EBF1: variants seen among roughly 807,000 people sequenced by gnomAD.
The protein encoded by EBF1 is transcription factor COE1.
In EBF1, 10 loss-of-function variants were observed where a neutral mutation model predicts 68.4. The observed-to-expected ratio is 0.15, with a 90% confidence interval of 0.09 to 0.25. The LOEUF (loss-of-function observed/expected upper bound fraction) is 0.25. Ranked by LOEUF, EBF1 falls within the 10% of genes least tolerant of loss-of-function variation. The pLI, the probability that EBF1 is intolerant of heterozygous loss-of-function variation, is 1.00. For missense variants in EBF1, 509 were observed against 794.4 expected (o/e 0.64, Z 4.32); for synonymous variants, 298 against 299.8 (o/e 0.99, Z 0.06).
intron 6 of EBF1, among the ~76,000 whole-genome samples, chr5:159,007,411 A>G (rs540304403): frequency 6.6e-6 from 1 of 152,342 alleles, no homozygotes; most frequent in East Asian, 1.9e-4. Context: ...CTTTTGGATG[A>G]CTGTTTATAT....
At chr5:159,042,655 T>C (rs529432383) in intron 6 of EBF1, among the ~76,000 whole-genome samples, 5 of 152,164 alleles carry the variant, frequency 3.3e-5, no homozygotes, top group Admixed American at 1.3e-4. Flanking sequence ...AAAAACTATA[T>C]TAAAGCTTAA....
chr5:158,923,321 CCT>C (rs1322078015), intron 6 of EBF1, among the ~76,000 whole-genome samples: 2 of 152,200 alleles, frequency 1.3e-5, no homozygotes, highest in African/African-American at 4.8e-5. Flanking sequence ...ATCATCTCCT[CCT>C]CTCTCTCCTT....
intron 6 of EBF1, among the ~76,000 whole-genome samples, chr5:159,022,404 C>G (rs1177841806): frequency 6.6e-6 from 1 of 152,188 alleles, no homozygotes; most frequent in Non-Finnish European, 1.5e-5. Context: ...AAAGTCAGGC[C>G]TCGGGGTAAA....
intron 6 of EBF1, among the ~76,000 whole-genome samples, chr5:158,969,544 A>G (rs1288174158): frequency 6.7e-6 from 1 of 149,274 alleles, no homozygotes; most frequent in Non-Finnish European, 1.5e-5. Context: ...CAGGAGGATC[A>G]CTTGAGCCCA....
intron 6 of EBF1, among the ~76,000 whole-genome samples, chr5:158,999,219 C>CA (rs761751454): frequency 6.6e-6 from 1 of 152,152 alleles, no homozygotes; most frequent in Non-Finnish European, 1.5e-5. Flanking sequence ...TATAATGCCC[C>CA]AAAAACAGAA....
At chr5:158,796,166 AACTGTTG>A (rs1399432093) in intron 9 of EBF1, among the ~76,000 whole-genome samples, 172 bp downstream of exon 9, 1 of 152,146 alleles carries the variant, frequency 6.6e-6, no homozygotes, top group East Asian at 1.9e-4. Flanking sequence ...TTCCAGTAGT[AACTGTTG>A]CCTCCTGGTA....
chr5:158,846,617 A>G (rs1396996573), intron 6 of EBF1, among the ~76,000 whole-genome samples: 1 of 152,202 alleles, frequency 6.6e-6, no homozygotes, highest in Non-Finnish European at 1.5e-5. Flanking sequence ...AGGCCAAAAC[A>G]GTGAGAAGGA....
intron 10 of EBF1, among the ~76,000 whole-genome samples, chr5:158,767,861 T>C (rs1033991749): frequency 5.3e-5 from 8 of 152,048 alleles, no homozygotes; most frequent in Non-Finnish European, 8.8e-5. Context: ...GGGCCTACAT[T>C]TACCTATTTT....
intron 6 of EBF1, among the ~76,000 whole-genome samples, chr5:158,848,945 A>G (rs1290256363): frequency 1.3e-5 from 2 of 152,238 alleles, no homozygotes; most frequent in Non-Finnish European, 2.9e-5. Context: ...CAAAAAGTAC[A>G]AATGTTCGTT....
chr5:159,027,641 A>G (rs1344517762), intron 6 of EBF1, among the ~76,000 whole-genome samples: 3 of 152,216 alleles, frequency 2.0e-5, no homozygotes, highest in African/African-American at 7.2e-5. Context: ...TGATCTTCAG[A>G]TCACACTATC....
At chr5:159,054,050 C>T (rs1029402884) in intron 6 of EBF1, among the ~76,000 whole-genome samples, 1 of 152,200 alleles carries the variant, frequency 6.6e-6, no homozygotes, top group African/African-American at 2.4e-5. Context: ...TCCCTAGAAC[C>T]AAGGTCATTA....
intron 7 of EBF1, among the ~76,000 whole-genome samples, chr5:158,836,756 G>A (rs1190859184): frequency 6.6e-6 from 1 of 152,160 alleles, no homozygotes; most frequent in Non-Finnish European, 1.5e-5. Flanking sequence ...TCCTCTTCTA[G>A]GCAGCAAAGA....
chr5:158,751,432 C>G (rs1768880264), intron 10 of EBF1, among the ~76,000 whole-genome samples: 2 of 152,062 alleles, frequency 1.3e-5, no homozygotes, highest in Non-Finnish European at 2.9e-5. Flanking sequence ...GCAGAGTAAG[C>G]TGTCTGCAGA....
intron 6 of EBF1, among the ~76,000 whole-genome samples, chr5:158,933,882 A>G (rs1311579601): frequency 6.6e-6 from 1 of 152,266 alleles, no homozygotes; most frequent in Non-Finnish European, 1.5e-5. Flanking sequence ...CAGATCTTTC[A>G]GTAAACACAG....
At chr5:158,885,299 A>G (rs557406133) in intron 6 of EBF1, among the ~76,000 whole-genome samples, 3 of 152,374 alleles carry the variant, frequency 2.0e-5, no homozygotes, top group Admixed American at 2.0e-4. Flanking sequence ...ACGGAGCCAC[A>G]TAAAAGGAAA....
chr5:158,929,387 A>G lies in EBF1; in HGVS notation c.555-89277T>C, dbSNP rs140869908. Among the ~76,000 whole-genome samples the G allele has an allele frequency of 5.3e-5, 8 of 152,342 alleles. No homozygotes were observed. The South Asian group carries it at 1.7e-3, about 32-fold the overall frequency. On this transcript the variant is annotated intron_variant, in intron 6 of 15. Coordinates refer to ENST00000313708, the MANE Select transcript of EBF1 (RefSeq NM_024007.5). ...GATAAAAGAAATGGTATATTTCTACATAATGTTTCCTCTTCTAAGCCTCAT... is the reference window on the plus strand; with the variant it reads ...GATAAAAGAAATGGTATATTTCTACGTAATGTTTCCTCTTCTAAGCCTCAT...
chr5:158,923,326 C>CT (rs1478183211), intron 6 of EBF1, among the ~76,000 whole-genome samples: 2 of 152,232 alleles, frequency 1.3e-5, no homozygotes, highest in Non-Finnish European at 2.9e-5. Context: ...CTCCTCCTCT[C>CT]TCTCCTTCTC....
chr5:159,013,616 AG>A (rs1765094046), intron 6 of EBF1, among the ~76,000 whole-genome samples: 2 of 152,162 alleles, frequency 1.3e-5, no homozygotes, highest in Non-Finnish European at 1.5e-5. Context: ...GAGGCTGGTG[AG>A]GCAGAAGATC....
intron 6 of EBF1, among the ~76,000 whole-genome samples, chr5:158,864,572 G>A (rs1331242895): frequency 2.0e-5 from 3 of 152,086 alleles, no homozygotes; most frequent in African/African-American, 4.8e-5. Context: ...TCCCTCCAAC[G>A]ACTGACTTTC....
Sources: gnomAD v4.1 joint callset for allele counts (sites outside exome capture counted in the v4.1 genomes callset) on GRCh38, gnomAD v4.1.1 for gene constraint, MANE v1.5 for transcripts, NCBI Gene and HGNC (gene_info 2026-07-23, HGNC 2026-07-21) for gene names.